Variants in ZNF280D observed in about 807,000 individuals in gnomAD.
ZNF280D encodes the protein suppressor of hairy wing homolog 4.
A neutral mutation model predicts 94.7 loss-of-function variants in ZNF280D; 39 were observed. The observed-to-expected ratio is 0.41, with a 90% confidence interval of 0.32 to 0.54. The LOEUF (loss-of-function observed/expected upper bound fraction) is 0.54, where lower values mean the gene tolerates loss of function less well. ZNF280D is among the 20% of genes least tolerant of loss of function. ZNF280D has a pLI of 0.22. For synonymous variants in ZNF280D, 398 were observed against 377.6 expected (o/e 1.05, Z -0.63); for missense variants, 1,090 against 1,149.3 (o/e 0.95, Z 0.75).
At chr15:56,705,800 G>A (rs991063620) in intron 3 of ZNF280D, among the ~76,000 whole-genome samples, 3 of 151,758 alleles carry the variant, frequency 2.0e-5, no homozygotes, top group Admixed American at 6.6e-5. Flanking sequence ...TATGTCTAAC[G>A]TCATATAGGA....
intron 3 of ZNF280D, among the ~76,000 whole-genome samples, chr15:56,705,899 T>A (rs1158545359): frequency 6.6e-6 from 1 of 151,678 alleles, no homozygotes; most frequent in Non-Finnish European, 1.5e-5. Context: ...TGCATAATTT[T>A]AAACAATCAG....
At chr15:56,634,912 A>T (rs1221871531) in intron 21 of ZNF280D, among the ~76,000 whole-genome samples, 5 of 152,132 alleles carry the variant, frequency 3.3e-5, no homozygotes, top group Admixed American at 6.5e-5. Context: ...AATAGGGGCA[A>T]AGAAAATCTG....
At chr15:56,646,532 A>G (rs1433771034) in intron 19 of ZNF280D, among the ~76,000 whole-genome samples, 1 of 152,240 alleles carries the variant, frequency 6.6e-6, no homozygotes, top group Non-Finnish European at 1.5e-5. Flanking sequence ...AGACTAAGAC[A>G]TAACAGTAAA....
intron 10 of ZNF280D, among the ~76,000 whole-genome samples, chr15:56,680,877 T>A (rs2055569141): frequency 6.6e-6 from 1 of 152,140 alleles, no homozygotes; most frequent in Admixed American, 6.5e-5. Context: ...AGACATTAAG[T>A]CAATGAACCA....
In ZNF280D at chr15:56,631,782, A is replaced by G; in HGVS notation, c.2656T>C (p.Leu886=). 1 of 1,614,166 alleles carries G rather than the reference A, an allele frequency of 6.2e-7. No homozygotes were observed. The highest frequency in any genetic ancestry group is 8.5e-7 in the Non-Finnish European group (1 of 1,180,018). Residue 886 remains leucine, a synonymous_variant, in exon 22 of 22, where the codon TTA becomes CTA. Transcript: ENST00000267807. ...FSSKNIKDLR[L]ASDNVSIDQF... is the part of the protein sequence containing the mutation. ...TCAATGCTTACATTATCTGATGCTA[A>G]TCGCAAATCCTTAATATTCTTTGAA...
chr15:56,726,060 T>C (rs1402600500), intron 1 of ZNF280D, among the ~76,000 whole-genome samples: 1 of 152,096 alleles, frequency 6.6e-6, no homozygotes, highest in Non-Finnish European at 1.5e-5. Flanking sequence ...TAATAATTTT[T>C]TATTATGAAG....
chr15:56,722,648 A>G (rs1249117266), intron 1 of ZNF280D, among the ~76,000 whole-genome samples: 1 of 152,220 alleles, frequency 6.6e-6, no homozygotes, highest in Non-Finnish European at 1.5e-5. Context: ...AACTAGTTCA[A>G]CCATTGTGGA....
At chr15:56,644,013 A>T (rs1383801014) in intron 19 of ZNF280D, among the ~76,000 whole-genome samples, 4 of 152,004 alleles carry the variant, frequency 2.6e-5, no homozygotes, top group African/African-American at 9.7e-5. Flanking sequence ...TTGAGGGCAT[A>T]TTTGAAAAAT....
intron 4 of ZNF280D, among the ~76,000 whole-genome samples, chr15:56,703,409 G>A (rs1273870352): frequency 6.6e-6 from 1 of 152,198 alleles, no homozygotes; most frequent in African/African-American, 2.4e-5. Context: ...GCCACGTATA[G>A]ATGACATTGC....
intron 13 of ZNF280D, among the ~76,000 whole-genome samples, chr15:56,669,910 TATATTATATATATATTA>T: frequency 1.4e-4 from 1 of 6,970 alleles, no homozygotes; most frequent in Admixed American, 4.1e-3. Flanking sequence ...ATAATATATA[TATATTATATATATATTA>T]TATATATATT....
intron 1 of ZNF280D, among the ~76,000 whole-genome samples, chr15:56,715,691 G>T (rs967048578): frequency 6.6e-6 from 1 of 151,998 alleles, no homozygotes; most frequent in Non-Finnish European, 1.5e-5. Context: ...ATAAGAGAAT[G>T]AATGGTAGTA....
intron 19 of ZNF280D, among the ~76,000 whole-genome samples, chr15:56,649,525 G>C (rs1324637449): frequency 6.6e-6 from 1 of 151,916 alleles, no homozygotes; most frequent in Admixed American, 6.6e-5. Flanking sequence ...GGTAGGATGA[G>C]AGAATCTAGG....
Position 56,654,495 on chromosome 15 carries a change from G to A in ZNF280D, c.2066C>T (p.Thr689Ile). ...GAAATCACAATTAAGGCACACTAGAGTAATGCCCCTAAAAAAAAAAGCATT... is the reference window on the plus strand; with the variant it reads ...GAAATCACAATTAAGGCACACTAGAATAATGCCCCTAAAAAAAAAAGCATT... Reference protein sequence around the residue: ...KKHSENLRGITLVCLNCDFLS... With the variant: ...KKHSENLRGIILVCLNCDFLS... The change falls in exon 18 of 22, where the codon ACT becomes ATT. Residue 689 changes from threonine to isoleucine, a missense_variant. Physicochemically the swap from Thr to Ile is moderately conservative, Grantham distance 89. This residue lies in a region of ZNF280D where 577 missense variants were observed against 568.8 expected (regional missense o/e 1.01). Transcript: ENST00000267807. The A allele has an allele frequency of 6.4e-7, 1 of 1,571,976 alleles. No homozygotes were observed. Among genetic ancestry groups the A allele is most frequent in the Non-Finnish European group, 8.6e-7 (1 of 1,167,214 alleles).
intron 1 of ZNF280D, among the ~76,000 whole-genome samples, chr15:56,716,798 AAG>A (rs1596648394): frequency 6.6e-6 from 1 of 152,288 alleles, no homozygotes; most frequent in East Asian, 1.9e-4. Context: ...TTTCAACTAT[AAG>A]TAACAAAAAC....
Position 56,631,994 on chromosome 15 carries a change from G to C in ZNF280D, c.2444C>G (p.Ala815Gly). The change falls in exon 22 of 22, where the codon GCA (alanine) becomes GGA (glycine). Residue 815 changes from alanine to glycine, a missense_variant. Transcript: ENST00000267807. ...GTTTTTTGAGCCAGTTTCCTGGTCTGCAAGACAGGTTTCATTTTCCTTATC... is the reference window on the plus strand; with the variant it reads ...GTTTTTTGAGCCAGTTTCCTGGTCTCCAAGACAGGTTTCATTTTCCTTATC... ...VSDKENETCLADQETGSKNIV... is the reference protein window; with the variant it reads ...VSDKENETCLGDQETGSKNIV... 1 of 1,613,940 alleles carries C rather than the reference G, an allele frequency of 6.2e-7. No individual in the cohort carries two copies. Among genetic ancestry groups the C allele is most frequent in the Non-Finnish European group, 8.5e-7 (1 of 1,179,988 alleles).
At chr15:56,654,935 G>T in intron 17 of ZNF280D, 2 of 365,522 alleles carry the variant, frequency 5.5e-6, no homozygotes, top group Non-Finnish European at 1.1e-5. Flanking sequence ...ATATAATGGT[G>T]AACAAGAAAT....
intron 4 of ZNF280D, among the ~76,000 whole-genome samples, chr15:56,702,910 A>AACAC (rs59095987): frequency 0.012 from 1,581 of 135,720 alleles, 21 homozygotes; most frequent in African/African-American, 0.021. Flanking sequence ...ATGGTAAGTA[A>AACAC]ACACACACAC....
At chr15:56,710,841 T>C (rs553421) in intron 1 of ZNF280D, among the ~76,000 whole-genome samples, 75,061 of 151,834 alleles carry the variant, frequency 0.49, 19,951 homozygotes, top group East Asian at 0.61. Flanking sequence ...ATACTAGATA[T>C]AGTCCTCTTT....
At chr15:56,689,273 T>C in intron 8 of ZNF280D, 27 bp downstream of exon 8, 2 of 1,584,940 alleles carry the variant, frequency 1.3e-6, no homozygotes, top group Non-Finnish European at 1.7e-6. Flanking sequence ...CTATAACTTC[T>C]TTTTATGTAC....
Sources: gnomAD v4.1 joint callset for allele counts (sites outside exome capture counted in the v4.1 genomes callset) on GRCh38, gnomAD v4.1.1 for gene constraint, gnomAD v4.1.1 regional missense constraint, MANE v1.5 for transcripts, NCBI Gene and HGNC (gene_info 2026-07-23, HGNC 2026-07-21) for gene names.